The following CLVS1 variants were observed in gnomAD, a reference collection of about 807,000 sequenced individuals.
CLVS1 encodes clavesin-1.
In CLVS1, 10 loss-of-function variants were observed where a neutral mutation model predicts 33.1. The ratio of observed to expected loss-of-function variants is 0.30; its 90% CI spans 0.19 to 0.51. The LOEUF (loss-of-function observed/expected upper bound fraction) is 0.51. Ranked by LOEUF, CLVS1 falls within the 20% of genes least tolerant of loss-of-function variation. CLVS1 has a pLI of 0.97. For missense variants in CLVS1, 343 were observed against 433.4 expected, an observed-to-expected ratio of 0.79 and a Z score of 1.85; for synonymous variants, 163 against 166.1, an observed-to-expected ratio of 0.98 and a Z score of 0.14.
At position 61,299,659 on chromosome 8, in the gene CLVS1, TG is replaced by T. The variant is rs1810357643; in HGVS notation, c.-151-17del. The T allele has an allele frequency of 1.7e-6, 1 of 583,194 alleles. No homozygotes were observed. Among genetic ancestry groups the T allele is most frequent in the African/African-American group, 1.9e-5 (1 of 53,590 alleles). 36.1% of individuals were successfully genotyped at this position (583,194 alleles called of 1,614,324 possible). A position where few individuals can be genotyped will look rare whatever the true frequency, so the allele number is the denominator to read the frequency against. ...TATCATCTCTCTTCTGTTTCTTTTG[TG>T]TGTATTTGTTTTTCAGTAAGCAATG... On this transcript the variant is annotated splice_polypyrimidine_tract_variant and intron_variant, in intron 1 of 5. Transcript: ENST00000325897.
At chr8:61,273,581 TC>T (rs1296646637) in intron 2 of CLVS1, among the ~76,000 whole-genome samples, 1 of 151,862 alleles carries the variant, frequency 6.6e-6, no homozygotes, top group African/African-American at 2.4e-5. Context: ...CGGGCGCCCC[TC>T]CCCCAGCCTT....
chr8:61,024,391 A>T, the CLVS1 span, among the ~76,000 whole-genome samples: 11 of 152,164 alleles, frequency 7.2e-5, no homozygotes, highest in African/African-American at 2.7e-4. Context: ...ACTATTCCCT[A>T]ATTCAAACCT....
intron 1 of CLVS1, among the ~76,000 whole-genome samples, chr8:61,127,633 T>C (rs938091338): frequency 6.6e-6 from 1 of 152,228 alleles, no homozygotes; most frequent in African/African-American, 2.4e-5. Context: ...TCTTAGGAAG[T>C]ATTGTACAGA....
At chr8:61,492,700 CT>C (rs1186056722) in intron 5 of CLVS1, among the ~76,000 whole-genome samples, 4 of 152,160 alleles carry the variant, frequency 2.6e-5, no homozygotes, top group Admixed American at 2.0e-4. Context: ...TTTTTTTGGA[CT>C]GGTTTTCTTA....
intron 2 of CLVS1, among the ~76,000 whole-genome samples, chr8:61,229,503 T>G (rs1808390021): frequency 6.6e-6 from 1 of 152,180 alleles, no homozygotes; most frequent in Non-Finnish European, 1.5e-5. Flanking sequence ...TTTAAGCCAC[T>G]GTGAGTCTGA....
the CLVS1 span, among the ~76,000 whole-genome samples, chr8:61,041,165 T>C: frequency 6.6e-6 from 1 of 152,090 alleles, no homozygotes; most frequent in Non-Finnish European, 1.5e-5. Context: ...TATTTCTGGG[T>C]TATCTGTTTT....
At chr8:61,381,395 A>T (rs1813872119) in intron 3 of CLVS1, among the ~76,000 whole-genome samples, 1 of 152,018 alleles carries the variant, frequency 6.6e-6, no homozygotes, top group Admixed American at 6.5e-5. Context: ...TCCTTTATTT[A>T]TTTAATTATT....
intron 2 of CLVS1, among the ~76,000 whole-genome samples, chr8:61,250,558 GT>G (rs1311577571): frequency 6.6e-6 from 1 of 152,162 alleles, no homozygotes; most frequent in African/African-American, 2.4e-5. Context: ...AGCATGGAAT[GT>G]TTTTCCATTT....
At chr8:61,141,601 A>C (rs1475922092) in intron 2 of CLVS1, among the ~76,000 whole-genome samples, 2 of 152,354 alleles carry the variant, frequency 1.3e-5, no homozygotes, top group Non-Finnish European at 2.9e-5. Context: ...TAGGTATTGT[A>C]TGAGTTGAGT....
chr8:61,294,763 A>T lies in CLVS1; in HGVS notation c.-151-4914A>T, dbSNP rs574651909. 2.6e-5 allele frequency among the ~76,000 whole-genome samples: 4 copies of T among 152,292 alleles called. No individual in the cohort carries two copies. In the South Asian group the frequency reaches 8.3e-4, roughly 32 times the overall value. On this transcript the variant is annotated intron_variant, in intron 1 of 5. Transcript: ENST00000325897. ...ATTGTATGTGTTTCTGAAGATTATA[A>T]TAAAATAAATAAATGAGAATAATAG...
At chr8:61,310,789 T>C (rs972059986) in intron 2 of CLVS1, among the ~76,000 whole-genome samples, 5 of 152,256 alleles carry the variant, frequency 3.3e-5, no homozygotes, top group African/African-American at 9.6e-5. Context: ...TTACAAAATT[T>C]GGTCCTAATC....
chr8:61,166,622 T>A (rs1453083659), intron 2 of CLVS1, among the ~76,000 whole-genome samples: 1 of 152,144 alleles, frequency 6.6e-6, no homozygotes, highest in Non-Finnish European at 1.5e-5. Context: ...TAAAAAAAAT[T>A]TTTTTGATTA....
At chr8:61,165,833 G>A (rs1480982601) in intron 2 of CLVS1, among the ~76,000 whole-genome samples, 2 of 152,160 alleles carry the variant, frequency 1.3e-5, no homozygotes, top group African/African-American at 4.8e-5. Context: ...AACTTACAGA[G>A]TTTGACTCTT....
chr8:61,497,442 T>TTG (rs147686937), intron 5 of CLVS1, among the ~76,000 whole-genome samples: 1 of 127,540 alleles, frequency 7.8e-6, no homozygotes, highest in Non-Finnish European at 1.7e-5. Context: ...AGGTTTTTAT[T>TTG]GGGGGGGGGG....
chr8:61,425,919 T>G (rs555488591), intron 3 of CLVS1, among the ~76,000 whole-genome samples: 2 of 152,352 alleles, frequency 1.3e-5, no homozygotes, highest in South Asian at 2.1e-4. Context: ...AACACCATTT[T>G]GCATGAAGTT....
chr8:61,483,675 T>A (rs1803755679), intron 5 of CLVS1, among the ~76,000 whole-genome samples: 3 of 152,210 alleles, frequency 2.0e-5, no homozygotes, highest in African/African-American at 7.2e-5. Flanking sequence ...ATATCCTTGA[T>A]GAACATTGAT....
chr8:61,288,304 C>T (rs529440088), intron 1 of CLVS1, 166 bp downstream of exon 1: 13 of 455,684 alleles, frequency 2.9e-5, no homozygotes, highest in Non-Finnish European at 4.9e-5. Context: ...CGCTCCCCGC[C>T]GCCTCCGCGG....
chr8:60,974,166 G>GA, the CLVS1 span, among the ~76,000 whole-genome samples: 85 of 152,280 alleles, frequency 5.6e-4, 1 homozygote, highest in African/African-American at 2.0e-3. Context: ...AGTTTTCCCT[G>GA]AGGAATTCAC....
At chr8:61,024,087 G>T in the CLVS1 span, among the ~76,000 whole-genome samples, 1 of 152,206 alleles carries the variant, frequency 6.6e-6, no homozygotes, top group Admixed American at 6.5e-5. Context: ...CGAGGACACT[G>T]GATGTTTAGG....
Sources: allele counts gnomAD v4.1 joint callset (sites outside exome capture counted in the v4.1 genomes callset), GRCh38; gene constraint gnomAD v4.1.1; transcripts MANE v1.5; gene names NCBI Gene and HGNC (gene_info 2026-07-23, HGNC 2026-07-21).